Variants in PDE8B observed in about 807,000 individuals in gnomAD.
PDE8B encodes the protein high affinity cAMP-specific and IBMX-insensitive 3',5'-cyclic phosphodiesterase 8B.
In PDE8B, 26 loss-of-function variants were observed where a neutral mutation model predicts 101.3. The ratio of observed to expected loss-of-function variants is 0.26; its 90% CI spans 0.19 to 0.36. The LOEUF is 0.36. Ranked by LOEUF, PDE8B falls within the 10% of genes least tolerant of loss-of-function variation. The pLI is 1.00. For missense variants in PDE8B, 810 were observed against 1,163.1 expected, an observed-to-expected ratio of 0.70 and a Z score of 4.42; for synonymous variants, 424 against 429.3, an observed-to-expected ratio of 0.99 and a Z score of 0.15.
At chr5:77,120,151 T>C in the PDE8B span, among the ~76,000 whole-genome samples, 650 of 152,304 alleles carry the variant, frequency 4.3e-3, 7 homozygotes, top group African/African-American at 0.015. Flanking sequence ...TAAAGCATGC[T>C]GGGTGAAAAA....
the PDE8B span, chr5:77,105,722 C>T: frequency 6.6e-6 from 1 of 152,170 alleles, no homozygotes; most frequent in South Asian, 2.1e-4. Flanking sequence ...GAGAAACTGC[C>T]AAAGTATTTT....
At chr5:77,340,600 A>AGTGTGTGTGTGTGTGTGTGTGTGT (rs34764404) in intron 6 of PDE8B, among the ~76,000 whole-genome samples, 4 of 140,078 alleles carry the variant, frequency 2.9e-5, no homozygotes, top group African/African-American at 1.1e-4. Flanking sequence ...GCAGCCTCAC[A>AGTGTGTGTGTGTGTGTGTGTGTGT]GTGTGTGTGT....
chr5:77,383,922 C>T (rs1303628926), intron 10 of PDE8B, among the ~76,000 whole-genome samples: 1 of 152,118 alleles, frequency 6.6e-6, no homozygotes, highest in African/African-American at 2.4e-5. Context: ...CATGATGCCT[C>T]CAGCTTTGTT....
chr5:77,325,026 T>C (rs1180570682), intron 2 of PDE8B, among the ~76,000 whole-genome samples: 1 of 152,170 alleles, frequency 6.6e-6, no homozygotes, highest in East Asian at 1.9e-4. Flanking sequence ...CCAGAAACTG[T>C]AGGCCAAAGA....
At chr5:77,403,264 A>T (rs1220310712) in intron 11 of PDE8B, among the ~76,000 whole-genome samples, 2 of 152,156 alleles carry the variant, frequency 1.3e-5, no homozygotes, top group African/African-American at 4.8e-5. Flanking sequence ...AAATTCTTTA[A>T]ATGTTTGCCT....
the PDE8B span, among the ~76,000 whole-genome samples, chr5:77,100,681 G>C: frequency 1.3e-5 from 2 of 152,158 alleles, no homozygotes; most frequent in Non-Finnish European, 2.9e-5. Flanking sequence ...CAGGCTGGGG[G>C]CCGGGCTCCC....
intron 1 of PDE8B, among the ~76,000 whole-genome samples, chr5:77,265,760 T>C (rs1218408875): frequency 6.6e-6 from 1 of 152,208 alleles, no homozygotes; most frequent in Non-Finnish European, 1.5e-5. Flanking sequence ...TCTTTCAGAA[T>C]TAAATAAGAA....
intron 10 of PDE8B, among the ~76,000 whole-genome samples, chr5:77,386,604 G>A (rs1373122297): frequency 6.6e-6 from 1 of 152,056 alleles, no homozygotes; most frequent in African/African-American, 2.4e-5. Flanking sequence ...TGCAACCCCT[G>A]GTTTTTTTGC....
chr5:77,100,965 CTT>C, the PDE8B span, among the ~76,000 whole-genome samples: 1,175 of 124,288 alleles, frequency 9.5e-3, 18 homozygotes, highest in African/African-American at 0.032. Context: ...ATTTTTTTTC[CTT>C]TTTTTTTTTT....
intron 20 of PDE8B, among the ~76,000 whole-genome samples, chr5:77,422,635 TAAAGGA>T (rs1796916951): frequency 6.6e-6 from 1 of 152,050 alleles, no homozygotes; most frequent in Admixed American, 6.5e-5. Flanking sequence ...TGTAGAGAGT[TAAAGGA>T]GAGAAATCTA....
chr5:77,253,781 T>G (rs1758558818), intron 1 of PDE8B, among the ~76,000 whole-genome samples: 1 of 152,144 alleles, frequency 6.6e-6, no homozygotes, highest in African/African-American at 2.4e-5. Context: ...TTAGGTGATA[T>G]CATTGGTCAC....
chr5:77,416,919 G>A (rs1227748074), intron 17 of PDE8B, among the ~76,000 whole-genome samples: 2 of 152,064 alleles, frequency 1.3e-5, no homozygotes, highest in Non-Finnish European at 2.9e-5. Flanking sequence ...CAGTGATGTC[G>A]CTTACGTTTC....
chr5:77,424,831 TTG>T lies in PDE8B; in HGVS notation c.2419-934_2419-933del, dbSNP rs1491589491. Among the ~76,000 whole-genome samples, 72 of 150,634 alleles carry T rather than the reference TTG, an allele frequency of 4.8e-4. 1 individual carries two copies. The highest frequency in any genetic ancestry group is 5.4e-4 in the African/African-American group (22 of 40,534). The stretch of plus-strand genomic sequence containing the variant: ...GTTCTGTTTTTTTGTTTTTTGTTTT[TTG>T]TTTTTAATGTGAGACAAGATCTCAC... On this transcript the variant is annotated intron_variant, in intron 20 of 21. Coordinates refer to ENST00000264917, the MANE Select transcript of PDE8B (RefSeq NM_003719.5).
chr5:77,185,041 T>C, the PDE8B span, among the ~76,000 whole-genome samples: 1 of 152,212 alleles, frequency 6.6e-6, no homozygotes, highest in South Asian at 2.1e-4. Flanking sequence ...ACAGAGACAG[T>C]GGAGAATCAA....
chr5:77,326,186 A>T lies in PDE8B; in HGVS notation c.590+457A>T, dbSNP rs1776023381. 2.0e-5 allele frequency among the ~76,000 whole-genome samples: 3 copies of T among 152,344 alleles called. No individual in the cohort carries two copies. In the East Asian group the frequency reaches 5.8e-4, roughly 29 times the overall value. ...TAGCAGGCTTCCCAGTCATGGAGTG[A>T]ATGCAGCCACTTTTGCAGCAACAGA... On this transcript the variant is annotated intron_variant, in intron 3 of 21. Coordinates refer to ENST00000264917, the MANE Select transcript of PDE8B (RefSeq NM_003719.5).
the PDE8B span, chr5:77,151,376 T>C: frequency 6.6e-6 from 1 of 152,242 alleles, no homozygotes; most frequent in Non-Finnish European, 1.5e-5. Flanking sequence ...AATAAACACA[T>C]ATTAGATTAA....
the PDE8B span, among the ~76,000 whole-genome samples, chr5:77,129,520 G>C: frequency 6.6e-6 from 1 of 152,036 alleles, no homozygotes; most frequent in South Asian, 2.1e-4. Context: ...TTCCCCTCTG[G>C]TGGGTTTGTT....
the PDE8B span, among the ~76,000 whole-genome samples, chr5:77,120,914 T>C: frequency 0.34 from 51,039 of 152,192 alleles, 10,140 homozygotes; most frequent in Non-Finnish European, 0.44. Context: ...GGTAGGGAGC[T>C]AGAGTACACA....
intron 10 of PDE8B, among the ~76,000 whole-genome samples, chr5:77,361,049 T>C (rs989474232): frequency 8.5e-5 from 13 of 152,242 alleles, no homozygotes; most frequent in Non-Finnish European, 1.6e-4. Context: ...TAAGAAGTAA[T>C]AAGTACTTAC....
Sources: gnomAD v4.1 joint callset for allele counts (sites outside exome capture counted in the v4.1 genomes callset) on GRCh38, gnomAD v4.1.1 for gene constraint, MANE v1.5 for transcripts, NCBI Gene and HGNC (gene_info 2026-07-23, HGNC 2026-07-21) for gene names.